The following COL17A1 variants were observed in gnomAD, a reference collection of about 807,000 sequenced individuals.
The protein encoded by COL17A1 is collagen alpha-1(XVII) chain.
A neutral mutation model predicts 218.4 loss-of-function variants in COL17A1; 181 were observed. That is an observed-to-expected ratio of 0.83 (90% CI 0.73 to 0.94). The LOEUF is 0.94. Among genes scored for constraint, COL17A1 ranks in the 40% least tolerant of loss-of-function variants. The pLI is 0.00. For synonymous variants in COL17A1, 721 were observed against 731.0 expected (o/e 0.99, Z 0.22); for missense variants, 1,924 against 1,945.9 (o/e 0.99, Z 0.21).
intron 51 of COL17A1, 119 bp downstream of exon 51, chr10:104,034,502 T>A: frequency 1.3e-6 from 2 of 1,515,462 alleles, no homozygotes; most frequent in Admixed American, 4.0e-5. Context: ...AAACCGGGCT[T>A]ACCCCACCAG....
At chr10:104,085,124 C>T (rs1012626938) in intron 1 of COL17A1, among the ~76,000 whole-genome samples, 9 of 152,176 alleles carry the variant, frequency 5.9e-5, no homozygotes, top group Non-Finnish European at 4.4e-5. Context: ...AAGTTTGATC[C>T]TGCAAAATTT....
intron 33 of COL17A1, among the ~76,000 whole-genome samples, chr10:104,045,096 A>C: frequency 6.6e-6 from 1 of 152,150 alleles, no homozygotes; most frequent in Admixed American, 6.5e-5. Context: ...GACAAAGACC[A>C]TCCCTGAGCA....
At chr10:104,080,205 G>T (rs1195900219) in intron 2 of COL17A1, among the ~76,000 whole-genome samples, 1 of 152,116 alleles carries the variant, frequency 6.6e-6, no homozygotes, top group Non-Finnish European at 1.5e-5. Context: ...TATTATTTGG[G>T]CAGTTCCACA....
intron 40 of COL17A1, 105 bp downstream of exon 40, chr10:104,040,246 C>T: frequency 2.0e-6 from 2 of 980,098 alleles, no homozygotes; most frequent in South Asian, 1.3e-5. Flanking sequence ...CAGAAGGATG[C>T]AAAAATGCCC....
At position 104,054,113 on chromosome 10, in the gene COL17A1, G is replaced by T; in HGVS notation, c.1750C>A (p.Arg584=). ...ATACCTGGAGTCCCAGGGAACCCTC[G>T]ATCTCCTGCAGGAACAAAGGCAAAA... ...DMGSPGPKGD[R]GFPGTPGIPG... The change falls in exon 21 of 56, where the codon CGA becomes AGA. Residue 584 remains arginine, a synonymous_variant. Transcript: ENST00000648076. The T allele has an allele frequency of 1.2e-6, 2 of 1,609,176 alleles. No individual in the cohort carries two copies. The highest frequency in any genetic ancestry group is 1.7e-6 in the Non-Finnish European group (2 of 1,177,670).
At chr10:104,063,483 A>C (rs1225864804) in intron 11 of COL17A1, 2 of 517,570 alleles carry the variant, frequency 3.9e-6, no homozygotes, top group East Asian at 7.2e-5. Context: ...TAGACCCTTC[A>C]TTTCCAATCC....
intron 26 of COL17A1, 58 bp downstream of exon 26, chr10:104,050,790 G>C (rs565129802): frequency 5.0e-6 from 8 of 1,614,072 alleles, no homozygotes; most frequent in Non-Finnish European, 6.8e-6. Context: ...AGCCTGCATA[G>C]GCTGTGGGTC....
Position 104,060,138 on chromosome 10 carries a change from G to C in COL17A1, c.1122C>G (p.Ser374=). The C allele has an allele frequency of 6.2e-7, 1 of 1,614,138 alleles. No homozygotes were observed. Among genetic ancestry groups the C allele is most frequent in the Admixed American group, 1.7e-5 (1 of 60,024 alleles). Residue 374 remains serine (S), a synonymous_variant, in exon 14 of 56, where the codon TCC becomes TCG. Transcript: ENST00000648076. ...TKDSGKVFTA[S]PASIAATSFS... ...ACGCACTTGCAGCGATGCTGGCAGGGGAGGCTGTAAAGACCTTCCCGCTGT... is the reference window on the plus strand; with the variant it reads ...ACGCACTTGCAGCGATGCTGGCAGGCGAGGCTGTAAAGACCTTCCCGCTGT...
chr10:104,046,292 T>C (rs1369311190), intron 32 of COL17A1, among the ~76,000 whole-genome samples: 1 of 152,200 alleles, frequency 6.6e-6, no homozygotes, highest in East Asian at 1.9e-4. Context: ...GGGATGAATG[T>C]AGTGATATGG....
rs886046684 is a variant in COL17A1 at position 104,034,276 on chromosome 10, G to T, written c.3825C>A (p.Pro1275=). The part of the protein sequence containing the change: ...GPPGPPGPQG[P]PGDSRLLSTD... ...TGGACAGGAGGCGGCTGTCCCCAGG[G>T]GGTCCCTGCGGCCCAGGAGGGCCTG... Residue 1275 remains proline (P), a synonymous_variant, in exon 52 of 56, where the codon CCC becomes CCA. Coordinates refer to ENST00000648076, the MANE Select transcript of COL17A1 (RefSeq NM_000494.4). 2 of 1,593,740 alleles carry T rather than the reference G, an allele frequency of 1.3e-6. No individual in the cohort carries two copies. Among genetic ancestry groups the T allele is most frequent in the South Asian group, 1.1e-5 (1 of 88,446 alleles).
rs754507180 is a variant in COL17A1 at position 104,038,453 on chromosome 10, C to G, written c.3023G>C (p.Ser1008Thr). 6 of 1,614,028 alleles carry G rather than the reference C, an allele frequency of 3.7e-6. No homozygotes were observed. In the Admixed American group the frequency reaches 1.0e-4, roughly 27 times the overall value. Residue 1008 changes from serine (S) to threonine (T), a missense_variant, in exon 45 of 56, where the codon AGC (serine) becomes ACC (threonine). Coordinates refer to ENST00000648076, the MANE Select transcript of COL17A1 (RefSeq NM_000494.4). ...PGPPGPPGSI[S>T]SSGQEIQQYI... ...CTGCTGAATCTCCTGGCCAGAGCTG[C>G]TGATAGAGCCCGGAGGCCCAGGGGG... is the stretch of plus-strand genomic sequence containing the variant.
At chr10:104,036,407 G>A in intron 48 of COL17A1, 85 bp downstream of exon 48, 1 of 1,576,572 alleles carries the variant, frequency 6.3e-7, no homozygotes, top group South Asian at 1.1e-5. Context: ...GGGGTCAGTG[G>A]GGCAATCACA....
rs753530640 is a variant in COL17A1, at chr10:104,035,359, C to T, written c.3523G>A (p.Gly1175Ser). Reference sequence around the variant, plus strand: ...GGGGGACCTGGGGGTCCAACGATGCCTCTGAATTCAGACCCTGAGACACCA... The same window carrying T: ...GGGGGACCTGGGGGTCCAACGATGCTTCTGAATTCAGACCCTGAGACACCA... ...LSLLRGSEFRGIVGPPGPPGP... is the reference protein window; with the variant it reads ...LSLLRGSEFRSIVGPPGPPGP... Residue 1175 changes from glycine (G) to serine (S), a missense_variant, in exon 50 of 56, where the codon GGC becomes AGC. Coordinates refer to ENST00000648076, the MANE Select transcript of COL17A1 (RefSeq NM_000494.4). The T allele has an allele frequency of 1.2e-5, 19 of 1,613,880 alleles. No homozygotes were observed. The South Asian group carries it at 1.3e-4, about 11-fold the overall frequency.
At chr10:104,080,459 CA>C (rs2086755064) in intron 2 of COL17A1, among the ~76,000 whole-genome samples, 162 bp downstream of exon 2, 1 of 152,154 alleles carries the variant, frequency 6.6e-6, no homozygotes, top group Non-Finnish European at 1.5e-5. Flanking sequence ...ACATAAAAAT[CA>C]ACAAGAGCTG....
intron 33 of COL17A1, among the ~76,000 whole-genome samples, chr10:104,044,950 A>T (rs1294780650): frequency 2.0e-5 from 3 of 152,178 alleles, no homozygotes; most frequent in African/African-American, 4.8e-5. Context: ...TCCTTGGCCC[A>T]ATCAGTCATT....
chr10:104,040,589 G>GATGA (rs1432889821), intron 39 of COL17A1, among the ~76,000 whole-genome samples, 179 bp from the exon 40 acceptor site: 1 of 150,658 alleles, frequency 6.6e-6, no homozygotes, highest in Non-Finnish European at 1.5e-5. Context: ...TGGATGGATG[G>GATGA]ATGGATGGAT....
At chr10:104,071,450 C>T (rs932330770) in intron 8 of COL17A1, among the ~76,000 whole-genome samples, 8 of 152,156 alleles carry the variant, frequency 5.3e-5, no homozygotes, top group East Asian at 1.9e-4. Context: ...CATTTCAAAA[C>T]GTTGTTAAAT....
rs1210700148 is a variant in COL17A1, at chr10:104,035,365, A to T, written c.3517T>A (p.Phe1173Ile). 20 of 1,614,050 alleles carry T rather than the reference A, an allele frequency of 1.2e-5. No individual in the cohort carries two copies. The highest frequency in any genetic ancestry group is 1.5e-5 in the Non-Finnish European group (18 of 1,180,010). ...CCTGGGGGTCCAACGATGCCTCTGAATTCAGACCCTGAGACACCAAGGGAG... is the reference window on the plus strand; with the variant it reads ...CCTGGGGGTCCAACGATGCCTCTGATTTCAGACCCTGAGACACCAAGGGAG... ...ELLSLLRGSE[F>I]RGIVGPPGPP... Residue 1173 changes from phenylalanine to isoleucine, a missense_variant, in exon 50 of 56, where the codon TTC becomes ATC. By Grantham distance (21) the Phe-to-Ile change is conservative. Coordinates refer to ENST00000648076, the MANE Select transcript of COL17A1 (RefSeq NM_000494.4).
Position 104,061,476 on chromosome 10 carries a change from G to T in COL17A1, c.911-3C>A. On this transcript the variant is annotated splice_polypyrimidine_tract_variant and splice_region_variant and intron_variant, in intron 12 of 55. Coordinates refer to ENST00000648076, the MANE Select transcript of COL17A1 (RefSeq NM_000494.4). The stretch of plus-strand genomic sequence containing the variant: ...CATGTTTTTCTTCACCCCATATGCT[G>T]CAAGAAAGGAAGCTGGGTCAGCATG... The T allele has an allele frequency of 6.2e-7, 1 of 1,612,896 alleles. No individual in the cohort carries two copies. The highest frequency in any genetic ancestry group is 2.2e-5 in the East Asian group (1 of 44,840).
Sources: allele counts gnomAD v4.1 joint callset (sites outside exome capture counted in the v4.1 genomes callset), GRCh38; gene constraint gnomAD v4.1.1; transcripts MANE v1.5; gene names NCBI Gene and HGNC (gene_info 2026-07-23, HGNC 2026-07-21).